CHRM3: variants seen among roughly 807,000 people sequenced by gnomAD.
CHRM3 encodes muscarinic acetylcholine receptor M3.
In CHRM3, 11 loss-of-function variants were observed where a neutral mutation model predicts 41.8. The observed-to-expected ratio is 0.26, with a 90% CI of 0.17 to 0.44. CHRM3 has a LOEUF of 0.44. Among genes scored for constraint, CHRM3 ranks in the 20% least tolerant of loss-of-function variants. The pLI is 1.00. For missense variants in CHRM3, 571 were observed against 745.4 expected (o/e 0.77, Z 2.72); for synonymous variants, 297 against 301.4 (o/e 0.99, Z 0.15).
At chr1:239,434,765 TAGAG>T (rs1024749807) in intron 1 of CHRM3, among the ~76,000 whole-genome samples, 110 of 151,602 alleles carry the variant, frequency 7.3e-4, no homozygotes, top group African/African-American at 2.6e-3. Flanking sequence ...GAGAGAGAGA[TAGAG>T]AGGGAGAAGG....
intron 5 of CHRM3, among the ~76,000 whole-genome samples, chr1:239,794,526 A>C (rs2148882724): frequency 6.6e-6 from 1 of 152,260 alleles, no homozygotes; most frequent in South Asian, 2.1e-4. Flanking sequence ...ATGAATGGTA[A>C]CCAGGAAACT....
At chr1:239,772,156 T>C (rs6687282) in intron 5 of CHRM3, among the ~76,000 whole-genome samples, 2,010 of 151,566 alleles carry the variant, frequency 0.013, 52 homozygotes, top group African/African-American at 0.046. Context: ...TATACTTTTC[T>C]TTTTTTTTCT....
chr1:239,744,574 A>G (rs1018869191), intron 5 of CHRM3, among the ~76,000 whole-genome samples: 1 of 152,174 alleles, frequency 6.6e-6, no homozygotes, highest in Non-Finnish European at 1.5e-5. Flanking sequence ...CCCAAAAAGC[A>G]CTCAGGTCAG....
intron 2 of CHRM3, among the ~76,000 whole-genome samples, chr1:239,512,016 G>C (rs899378515): frequency 1.3e-5 from 2 of 152,134 alleles, no homozygotes; most frequent in Admixed American, 1.3e-4. Context: ...GATGAGGGTT[G>C]TTGTTCTAGA....
chr1:239,689,946 A>G (rs1659541840), intron 5 of CHRM3, among the ~76,000 whole-genome samples: 1 of 151,932 alleles, frequency 6.6e-6, no homozygotes, highest in South Asian at 2.1e-4. Context: ...GGAGGTAAGA[A>G]CTCTAGGACT....
At chr1:239,899,428 T>C (rs1045962922) in intron 6 of CHRM3, among the ~76,000 whole-genome samples, 9 of 151,336 alleles carry the variant, frequency 5.9e-5, no homozygotes, top group African/African-American at 2.2e-4. Context: ...CACACATATC[T>C]ATACACATGT....
intron 2 of CHRM3, among the ~76,000 whole-genome samples, chr1:239,528,947 AT>A (rs1329350313): frequency 6.6e-6 from 1 of 152,132 alleles, no homozygotes; most frequent in Admixed American, 6.6e-5. Context: ...TAAATAAAAT[AT>A]TTTTTTCCAG....
intron 5 of CHRM3, among the ~76,000 whole-genome samples, chr1:239,740,459 GT>G (rs112715911): frequency 1.6e-3 from 228 of 145,576 alleles, no homozygotes; most frequent in South Asian, 5.2e-3. Context: ...ATTGAGGGTG[GT>G]TTTTTTTTTT....
At chr1:239,445,553 C>T (rs1364405305) in intron 1 of CHRM3, among the ~76,000 whole-genome samples, 2 of 152,136 alleles carry the variant, frequency 1.3e-5, no homozygotes, top group African/African-American at 2.4e-5. Context: ...AGAAGTTTGA[C>T]AATTATCTTC....
intron 4 of CHRM3, among the ~76,000 whole-genome samples, chr1:239,638,625 G>A (rs539882327): frequency 6.6e-6 from 1 of 152,230 alleles, no homozygotes; most frequent in East Asian, 1.9e-4. Flanking sequence ...GTTTTTTCTT[G>A]TAAATTGGTT....
Position 239,909,151 on chromosome 1 carries a change from A to G in CHRM3, c.1700A>G (p.Lys567Arg), listed in dbSNP as rs1222391293. The G allele has an allele frequency of 1.2e-6, 2 of 1,614,136 alleles. No individual in the cohort carries two copies. The highest frequency in any genetic ancestry group is 1.3e-5 in the African/African-American group (1 of 75,048). ...MLLLCQCDKK[K>R]RRKQQYQQRQ... is the part of the protein sequence containing the mutation. ...CTGCTGTGCCAGTGTGACAAAAAAA[A>G]GAGGCGCAAGCAGCAGTACCAGCAG... The change falls in exon 7 of 7, where the codon AAG (lysine) becomes AGG (arginine). Residue 567 changes from lysine to arginine, a missense_variant. Physicochemically the swap from Lys to Arg is conservative, Grantham distance 26. Transcript: ENST00000676153.
intron 4 of CHRM3, among the ~76,000 whole-genome samples, chr1:239,639,940 C>A (rs1407767551): frequency 4.6e-5 from 7 of 150,700 alleles, no homozygotes; most frequent in Admixed American, 6.6e-5. Flanking sequence ...TATGTCCCAT[C>A]AATACCTAAT....
rs569427898 is a variant in CHRM3 at position 239,620,107 on chromosome 1, T to A, written c.-312-12117T>A. On this transcript the variant is annotated intron_variant, in intron 3 of 6. Transcript: ENST00000676153. Reference sequence around the variant, plus strand: ...GAGTTAGACATTTTTAAAATTATAGTTTTGTGGGAAAAATAACAGCATTGA... The same window carrying A: ...GAGTTAGACATTTTTAAAATTATAGATTTGTGGGAAAAATAACAGCATTGA... Among the ~76,000 whole-genome samples, 1,134 of 152,304 alleles carry A rather than the reference T, an allele frequency of 7.4e-3. 5 individuals are homozygous for A. The highest frequency in any genetic ancestry group is 0.011 in the Non-Finnish European group (746 of 68,030).
intron 6 of CHRM3, among the ~76,000 whole-genome samples, chr1:239,851,643 AC>A (rs1357579753): frequency 2.6e-5 from 4 of 152,250 alleles, no homozygotes; most frequent in African/African-American, 9.6e-5. Flanking sequence ...AACATCTGAC[AC>A]CTTCTTGGGG....
chr1:239,892,617 T>C (rs1319488519), intron 6 of CHRM3, among the ~76,000 whole-genome samples: 2 of 152,232 alleles, frequency 1.3e-5, no homozygotes, highest in Non-Finnish European at 2.9e-5. Context: ...CATGCAGCTT[T>C]AATTTTTTAT....
intron 1 of CHRM3, among the ~76,000 whole-genome samples, chr1:239,453,658 C>T (rs1361951823): frequency 1.3e-5 from 2 of 152,136 alleles, no homozygotes; most frequent in Non-Finnish European, 2.9e-5. Flanking sequence ...ATGCATTCTA[C>T]TAGGCATTAA....
intron 1 of CHRM3, among the ~76,000 whole-genome samples, chr1:239,420,080 T>A (rs77704136): frequency 6.6e-6 from 1 of 152,152 alleles, no homozygotes; most frequent in African/African-American, 2.4e-5. Flanking sequence ...CAGGCCTGTT[T>A]AGAAGCTGGG....
At chr1:239,775,593 A>G (rs148608976) in intron 5 of CHRM3, among the ~76,000 whole-genome samples, 19 of 152,324 alleles carry the variant, frequency 1.2e-4, no homozygotes, top group African/African-American at 4.3e-4. Context: ...TGTGTGTATA[A>G]CTATGGCAAT....
In CHRM3 at chr1:239,760,433, G is replaced by A. The variant is rs140667490; in HGVS notation, c.-146-66819G>A. ...ACGGCAGTCAAGAGCCTCTTTGATC[G>A]TCCACTAACCTGTCTTTTCACCTGA... On this transcript the variant is annotated intron_variant, in intron 5 of 6. Coordinates refer to ENST00000676153, the MANE Select transcript of CHRM3 (RefSeq NM_001375978.1). 1.8e-3 allele frequency among the ~76,000 whole-genome samples: 279 copies of A among 151,718 alleles called. 2 individuals carry two copies. Among genetic ancestry groups the A allele is most frequent in the African/African-American group, 6.5e-3 (267 of 41,388 alleles).
Sources: gnomAD v4.1 joint callset for allele counts (sites outside exome capture counted in the v4.1 genomes callset) on GRCh38, gnomAD v4.1.1 for gene constraint, MANE v1.5 for transcripts, NCBI Gene and HGNC (gene_info 2026-07-23, HGNC 2026-07-21) for gene names.